Variants in SECISBP2L observed in about 807,000 individuals in gnomAD.
SECISBP2L encodes the protein selenocysteine insertion sequence-binding protein 2-like.
SECISBP2L carries 43 observed loss-of-function variants against 114.7 expected under a neutral mutation model. The ratio of observed to expected loss-of-function variants is 0.38; its 90% confidence interval spans 0.29 to 0.48. The LOEUF is 0.48. SECISBP2L is among the 20% of genes least tolerant of loss of function. The probability of loss-of-function intolerance (pLI) is 0.98; values close to 1 mark genes in which losing one functional copy is unlikely to be tolerated. For missense variants in SECISBP2L, 1,136 were observed against 1,301.1 expected (o/e 0.87, Z 1.95); for synonymous variants, 451 against 439.7 (o/e 1.03, Z -0.32).
chr15:49,007,795 C>T (rs1419992390), intron 14 of SECISBP2L, among the ~76,000 whole-genome samples: 1 of 152,164 alleles, frequency 6.6e-6, no homozygotes, highest in African/African-American at 2.4e-5. Context: ...CTGGCTTTCT[C>T]AGTCATAAAA....
intron 7 of SECISBP2L, among the ~76,000 whole-genome samples, chr15:49,023,591 T>C (rs1397396042): frequency 6.6e-6 from 1 of 152,232 alleles, no homozygotes; most frequent in East Asian, 1.9e-4. Context: ...CACAGCAGCA[T>C]GTCTATAACA....
At position 49,027,313 on chromosome 15, in the gene SECISBP2L, A is replaced by G. The variant is rs1051952058; in HGVS notation, c.1035+52T>C. ...CTACACCACTGTAACTAACAAATCT[A>G]AAATGACTCATCTCATACCTAATCA... On this transcript the variant is annotated intron_variant, in intron 7 of 17. Transcript: ENST00000559471. The G allele has an allele frequency of 1.4e-5, 19 of 1,317,796 alleles. No homozygotes were observed. In the African/African-American group the frequency reaches 2.7e-4, roughly 19 times the overall value. The allele number at this position is 1,317,796 out of a possible 1,614,324, so 81.6% of individuals were successfully genotyped here. A position where few individuals can be genotyped will look rare whatever the true frequency, so the allele number is the denominator to read the frequency against.
At chr15:48,999,669 C>T (rs1902163998) in intron 16 of SECISBP2L, among the ~76,000 whole-genome samples, 164 bp downstream of exon 16, 1 of 152,174 alleles carries the variant, frequency 6.6e-6, no homozygotes, top group Admixed American at 6.5e-5. Context: ...TTTTCCACCA[C>T]TAAAAAAGGA....
chr15:49,038,949 C>A (rs1403307285), intron 1 of SECISBP2L, among the ~76,000 whole-genome samples: 1 of 152,000 alleles, frequency 6.6e-6, no homozygotes, highest in East Asian at 1.9e-4. Flanking sequence ...GAATAAATTT[C>A]ATGTTTCTCA....
intron 16 of SECISBP2L, among the ~76,000 whole-genome samples, chr15:48,998,633 C>G (rs1268036270): frequency 6.6e-6 from 1 of 152,034 alleles, no homozygotes; most frequent in Non-Finnish European, 1.5e-5. Context: ...GAATTAAAGC[C>G]TTGAATGTGA....
intron 3 of SECISBP2L, among the ~76,000 whole-genome samples, chr15:49,033,321 T>C (rs1454505940): frequency 6.6e-6 from 1 of 152,188 alleles, no homozygotes; most frequent in African/African-American, 2.4e-5. Context: ...ATACACTTTT[T>C]CAAATAATAA....
In SECISBP2L at chr15:48,992,280, C is replaced by T. The variant is rs1566849625; in HGVS notation, c.3270G>A (p.Glu1090=). The stretch of plus-strand genomic sequence containing the variant: ...GCGTTGTGTAATTAGAATCAGAGTG[C>T]TCTTTGTTGAGCGAGCTGCAGTTGC... ...KSSNCSSLNK[E]HSDSNYTTQT... Residue 1090 remains glutamate, a synonymous_variant, in exon 18 of 18, where the codon GAG becomes GAA. Coordinates refer to ENST00000559471, the MANE Select transcript of SECISBP2L (RefSeq NM_001193489.2). 9 of 1,611,832 alleles carry T rather than the reference C, an allele frequency of 5.6e-6. No individual in the cohort carries two copies. The highest frequency in any genetic ancestry group is 1.7e-4 in the Middle Eastern group (1 of 6,036).
chr15:48,999,905 T>A lies in SECISBP2L; in HGVS notation c.2331A>T (p.Lys777Asn), dbSNP rs908933969. ...EIPFVFALGR[K>N]ALGRCVNKLV... Reference sequence around the variant, plus strand: ...GCTTGTTCACACAGCGTCCTAGAGCTTTCCTTCCAAGGGCAAACACAAAAG... The same window carrying A: ...GCTTGTTCACACAGCGTCCTAGAGCATTCCTTCCAAGGGCAAACACAAAAG... Residue 777 changes from lysine (K) to asparagine (N), a missense_variant, in exon 16 of 18, where the codon AAA (lysine) becomes AAT (asparagine). Coordinates refer to ENST00000559471, the MANE Select transcript of SECISBP2L (RefSeq NM_001193489.2). 6.2e-7 allele frequency: 1 copy of A among 1,614,016 alleles called. No individual in the cohort carries two copies. Among genetic ancestry groups the A allele is most frequent in the East Asian group, 2.2e-5 (1 of 44,878 alleles).
At chr15:48,994,127 C>T (rs971314993) in intron 17 of SECISBP2L, among the ~76,000 whole-genome samples, 1 of 151,738 alleles carries the variant, frequency 6.6e-6, no homozygotes, top group African/African-American at 2.4e-5. Flanking sequence ...AAAAAAATCA[C>T]CTCCTCCTAT....
At chr15:49,025,216 C>CA (rs1181611138) in intron 7 of SECISBP2L, among the ~76,000 whole-genome samples, 2 of 152,110 alleles carry the variant, frequency 1.3e-5, no homozygotes, top group African/African-American at 4.8e-5. Flanking sequence ...TTGCAATAAC[C>CA]ACATGGAAGA....
rs900170836 is a variant in SECISBP2L, at chr15:48,991,245, G to A, written c.*999C>T. On this transcript the variant is annotated 3_prime_UTR_variant, in exon 18 of 18. Transcript: ENST00000559471. ...CAGTAACTATGGTCATTGCTATGTG[G>A]AAGGTGCTCAAGGCTAGGTGCAAAA... The A allele has an allele frequency of 6.6e-6, 1 of 152,180 alleles. No individual in the cohort carries two copies. The highest frequency in any genetic ancestry group is 2.4e-5 in the African/African-American group (1 of 41,434). The allele number at this position is 152,180 out of a possible 1,614,324, so 9.4% of individuals were successfully genotyped here.
At chr15:49,045,991 G>A (rs974250455) in intron 1 of SECISBP2L, among the ~76,000 whole-genome samples, 10 of 152,238 alleles carry the variant, frequency 6.6e-5, no homozygotes, top group East Asian at 1.9e-4. Context: ...CCTCCTCCCA[G>A]GAGAGCAGGG....
chr15:49,003,476 T>C (rs1229239946), intron 14 of SECISBP2L, among the ~76,000 whole-genome samples: 1 of 152,212 alleles, frequency 6.6e-6, no homozygotes, highest in Non-Finnish European at 1.5e-5. Flanking sequence ...CAACACTATG[T>C]TGAATAGGAG....
chr15:49,045,500 G>A (rs1341644310), intron 1 of SECISBP2L, among the ~76,000 whole-genome samples: 1 of 152,088 alleles, frequency 6.6e-6, no homozygotes, highest in Non-Finnish European at 1.5e-5. Context: ...AATACTGGGG[G>A]GGAAACTATT....
intron 4 of SECISBP2L, among the ~76,000 whole-genome samples, chr15:49,029,740 T>G (rs1252847792): frequency 6.6e-6 from 1 of 152,192 alleles, no homozygotes; most frequent in Non-Finnish European, 1.5e-5. Flanking sequence ...AGGTACTTAA[T>G]AGACAGTTAT....
At chr15:49,024,697 T>C (rs1902706519) in intron 7 of SECISBP2L, among the ~76,000 whole-genome samples, 1 of 152,142 alleles carries the variant, frequency 6.6e-6, no homozygotes, top group Admixed American at 6.5e-5. Flanking sequence ...ATTTGATTTC[T>C]AAAAGATGTT....
At chr15:49,012,454 C>T (rs8029914) in intron 12 of SECISBP2L, among the ~76,000 whole-genome samples, 194 bp downstream of exon 12, 75,793 of 151,342 alleles carry the variant, frequency 0.5, 21,164 homozygotes, top group Non-Finnish European at 0.63. Flanking sequence ...TCCAGGGCCC[C>T]GTTCTACACA....
intron 1 of SECISBP2L, among the ~76,000 whole-genome samples, chr15:49,045,479 TAA>T (rs1429649116): frequency 6.6e-6 from 1 of 152,190 alleles, no homozygotes; most frequent in African/African-American, 2.4e-5. Context: ...GCAGAGATCT[TAA>T]GAGTGGAAAA....
intron 14 of SECISBP2L, among the ~76,000 whole-genome samples, chr15:49,007,983 A>G (rs1256871069): frequency 1.3e-5 from 2 of 152,216 alleles, no homozygotes; most frequent in African/African-American, 2.4e-5. Context: ...ATGTATGACT[A>G]TAGTGTGAGA....
Sources: allele counts gnomAD v4.1 joint callset (sites outside exome capture counted in the v4.1 genomes callset), GRCh38; gene constraint gnomAD v4.1.1; transcripts MANE v1.5; gene names NCBI Gene and HGNC (gene_info 2026-07-23, HGNC 2026-07-21).